SYNGR1: variants seen among roughly 807,000 people sequenced by gnomAD.
The protein encoded by SYNGR1 is synaptogyrin 1, also known as synaptogyrin-1.
In SYNGR1, 14 loss-of-function variants were observed where a neutral mutation model predicts 26.1. That is an observed-to-expected ratio of 0.54 (90% confidence interval 0.35 to 0.84). SYNGR1 has a LOEUF of 0.84. Among genes scored for constraint, SYNGR1 ranks in the 40% least tolerant of loss-of-function variants. SYNGR1 has a pLI of 0.01. For missense variants in SYNGR1, 319 were observed against 332.9 expected, an observed-to-expected ratio of 0.96 and a Z score of 0.33; for synonymous variants, 141 against 150.1, an observed-to-expected ratio of 0.94 and a Z score of 0.44.
At chr22:39,367,493 G>A (rs1924816166) in intron 1 of SYNGR1, among the ~76,000 whole-genome samples, 4 of 152,182 alleles carry the variant, frequency 2.6e-5, no homozygotes, top group African/African-American at 4.8e-5. Context: ...GGTGGGCGGG[G>A]CCAGCACATG....
At chr22:39,361,709 G>A (rs1478070064) in intron 1 of SYNGR1, among the ~76,000 whole-genome samples, 3 of 151,744 alleles carry the variant, frequency 2.0e-5, no homozygotes, top group African/African-American at 7.3e-5. Context: ...CTCAGTGGCC[G>A]CATCTATAAA....
rs1371682667 is a variant in SYNGR1, at chr22:39,350,499, T to C, written c.99+390T>C. On this transcript the variant is annotated intron_variant, in intron 1 of 3. Transcript: ENST00000328933. This position sits in a 1 kb window ranked among gnomAD's most constrained non-coding sequence, Gnocchi z 4.3. ...GGAGCCAGGGTTTAAGGTGGCCTTT[T>C]TTGGGGGGTGGATCAGGGCGTGGAC... is the stretch of plus-strand genomic sequence containing the variant. Among the ~76,000 whole-genome samples the C allele has an allele frequency of 6.6e-6, 1 of 151,852 alleles. No individual in the cohort carries two copies. Among genetic ancestry groups the C allele is most frequent in the Non-Finnish European group, 1.5e-5 (1 of 67,970 alleles).
At chr22:39,358,166 G>A (rs566519366) in intron 1 of SYNGR1, among the ~76,000 whole-genome samples, 4 of 151,606 alleles carry the variant, frequency 2.6e-5, no homozygotes, top group East Asian at 1.9e-4. Flanking sequence ...TGCACCAATC[G>A]ACACTCTGTA....
intron 1 of SYNGR1, among the ~76,000 whole-genome samples, chr22:39,373,144 C>A (rs935086450): frequency 3.3e-5 from 5 of 150,978 alleles, no homozygotes; most frequent in Non-Finnish European, 7.4e-5. Flanking sequence ...TTAATACACA[C>A]ACACACACAC....
intron 1 of SYNGR1, among the ~76,000 whole-genome samples, chr22:39,353,142 G>GTGAGCCACCGCACCCGGCC (rs1220871770): frequency 1.3e-5 from 2 of 152,120 alleles, no homozygotes; most frequent in Non-Finnish European, 2.9e-5. Context: ...GATTACAGGC[G>GTGAGCCACCGCACCCGGCC]TGAGCCACCG....
chr22:39,355,466 T>A (rs1319848451), intron 1 of SYNGR1, among the ~76,000 whole-genome samples: 1 of 152,224 alleles, frequency 6.6e-6, no homozygotes, highest in Non-Finnish European at 1.5e-5. Context: ...CCGCCGCTTC[T>A]TCTCTCTCAG....
intron 1 of SYNGR1, among the ~76,000 whole-genome samples, chr22:39,364,508 G>T (rs931340729): frequency 6.6e-6 from 1 of 152,244 alleles, no homozygotes; most frequent in Non-Finnish European, 1.5e-5. Context: ...AGTGGGGACA[G>T]ACTTGTAAAT....
intron 1 of SYNGR1, among the ~76,000 whole-genome samples, chr22:39,365,982 C>T (rs1398561240): frequency 1.0e-5 from 1 of 97,840 alleles, no homozygotes; most frequent in Non-Finnish European, 2.2e-5. Flanking sequence ...CCGCGCTCAG[C>T]CCCTTCTTTT....
chr22:39,350,126 C>T lies in SYNGR1; in HGVS notation c.99+17C>T, dbSNP rs771897872. 14 of 1,410,352 alleles carry T rather than the reference C, an allele frequency of 9.9e-6. No homozygotes were observed. In the East Asian group the frequency reaches 1.9e-4, roughly 20 times the overall value. 87.4% of individuals were successfully genotyped at this position (1,410,352 alleles called of 1,614,324 possible). A position where few individuals can be genotyped will look rare whatever the true frequency, so the allele number is the denominator to read the frequency against. The stretch of plus-strand genomic sequence containing the variant: ...GTGTCTTGGGTAAGGACGGACTGGC[C>T]GACGGCTCTGCCAGGCCGGGGTGGT... On this transcript the variant is annotated intron_variant, in intron 1 of 3. Transcript: ENST00000328933. The surrounding 1 kb of genome is among the most constrained non-coding windows in gnomAD (Gnocchi z 4.3).
At chr22:39,374,759 C>A in intron 2 of SYNGR1, 1 of 624,760 alleles carries the variant, frequency 1.6e-6, no homozygotes, top group South Asian at 1.9e-5. Context: ...CCCATGCTGC[C>A]CACAGGCAGG....
rs1390893795 is a variant in SYNGR1, at chr22:39,350,234, G to A, written c.99+125G>A. The A allele has an allele frequency of 8.9e-6, 5 of 561,644 alleles. No individual in the cohort carries two copies. Among genetic ancestry groups the A allele is most frequent in the African/African-American group, 4.1e-5 (2 of 48,706 alleles). 34.8% of individuals were successfully genotyped at this position (561,644 alleles called of 1,614,324 possible). A position where few individuals can be genotyped will look rare whatever the true frequency, so the allele number is the denominator to read the frequency against. ...CCCCGGCGGCGGCGCGGCGGCGGGC[G>A]AGGAGCTGTCCTGCCTGCGGGGCCC... On this transcript the variant is annotated intron_variant, in intron 1 of 3. Transcript: ENST00000328933. This position sits in a 1 kb window ranked among gnomAD's most constrained non-coding sequence, Gnocchi z 4.3.
intron 1 of SYNGR1, chr22:39,364,164 T>C: frequency 6.2e-7 from 1 of 1,612,050 alleles, no homozygotes; most frequent in Non-Finnish European, 8.5e-7. Context: ...GGGACACGGC[T>C]CAGGACCAGC....
At chr22:39,363,290 G>T (rs1006227565) in intron 1 of SYNGR1, among the ~76,000 whole-genome samples, 3 of 151,846 alleles carry the variant, frequency 2.0e-5, no homozygotes, top group Non-Finnish European at 4.4e-5. Context: ...TAGACCTGGG[G>T]GGTGACATGA....
At chr22:39,365,431 G>A (rs1392573681) in intron 1 of SYNGR1, among the ~76,000 whole-genome samples, 1 of 152,196 alleles carries the variant, frequency 6.6e-6, no homozygotes, top group African/African-American at 2.4e-5. Context: ...ATGGGAATAA[G>A]AATATTGAGC....
At chr22:39,355,319 G>A (rs899744015) in intron 1 of SYNGR1, among the ~76,000 whole-genome samples, 2 of 152,316 alleles carry the variant, frequency 1.3e-5, no homozygotes, top group Non-Finnish European at 2.9e-5. Context: ...GCGTGGTCAC[G>A]TCCAGCCTGT....
chr22:39,353,597 C>T (rs1352897966), intron 1 of SYNGR1, among the ~76,000 whole-genome samples: 7 of 152,214 alleles, frequency 4.6e-5, no homozygotes, highest in African/African-American at 7.2e-5. Context: ...AGTAAGTGTC[C>T]CCTCCCCACC....
At chr22:39,366,918 C>T (rs1924787112) in intron 1 of SYNGR1, among the ~76,000 whole-genome samples, 1 of 152,242 alleles carries the variant, frequency 6.6e-6, no homozygotes, top group South Asian at 2.1e-4. Context: ...GCCAGCCTCG[C>T]CTCTTGGTGT....
chr22:39,360,429 G>A (rs912352985), intron 1 of SYNGR1, among the ~76,000 whole-genome samples: 19 of 152,062 alleles, frequency 1.2e-4, no homozygotes, highest in African/African-American at 4.6e-4. Flanking sequence ...GCCCCTCCTC[G>A]CCATCTTCTC....
chr22:39,373,926 TG>T (rs1259195571), intron 1 of SYNGR1, among the ~76,000 whole-genome samples: 1 of 152,236 alleles, frequency 6.6e-6, no homozygotes, highest in East Asian at 1.9e-4. Flanking sequence ...GGAGTCAGCC[TG>T]GGGGTGGGGG....
Sources: allele counts gnomAD v4.1 joint callset (sites outside exome capture counted in the v4.1 genomes callset), GRCh38; gene constraint gnomAD v4.1.1; non-coding constraint Gnocchi (gnomAD v3.1); transcripts MANE v1.5; gene names NCBI Gene and HGNC (gene_info 2026-07-23, HGNC 2026-07-21).